NCAPG: variants seen among roughly 807,000 people sequenced by gnomAD.
NCAPG encodes the protein non-SMC condensin I complex subunit G.
A neutral mutation model predicts 113.1 loss-of-function variants in NCAPG; 69 were observed. The observed-to-expected ratio is 0.61, with a 90% CI of 0.50 to 0.75. NCAPG has a LOEUF of 0.75. NCAPG is among the 30% of genes least tolerant of loss of function. NCAPG has a pLI of 0.00. For synonymous variants in NCAPG, 370 were observed against 415.8 expected (o/e 0.89, Z 1.34); for missense variants, 1,058 against 1,177.0 (o/e 0.90, Z 1.48).
intron 11 of NCAPG, among the ~76,000 whole-genome samples, chr4:17,827,758 A>G (rs1039850711): frequency 6.1e-5 from 9 of 148,234 alleles, no homozygotes; most frequent in African/African-American, 2.2e-4. Context: ...CGAGGTTGTC[A>G]GGTTTTTTTT....
intron 3 of NCAPG, among the ~76,000 whole-genome samples, chr4:17,814,036 A>C (rs1244829254): frequency 6.6e-6 from 1 of 152,186 alleles, no homozygotes; most frequent in East Asian, 1.9e-4. Flanking sequence ...AGAAGTACAG[A>C]TAAATATATT....
chr4:17,819,561 C>T (rs1160459011), intron 7 of NCAPG, among the ~76,000 whole-genome samples: 1 of 152,100 alleles, frequency 6.6e-6, no homozygotes, highest in African/African-American at 2.4e-5. Flanking sequence ...GCCTCCATGC[C>T]CAGCTAATTT....
intron 3 of NCAPG, among the ~76,000 whole-genome samples, chr4:17,814,267 C>T (rs886275594): frequency 6.6e-6 from 1 of 152,044 alleles, no homozygotes; most frequent in Non-Finnish European, 1.5e-5. Context: ...CACTTTTGGC[C>T]TAAGAGCCAG....
intron 14 of NCAPG, among the ~76,000 whole-genome samples, chr4:17,834,958 GGTT>G (rs542835922): frequency 6.8e-4 from 103 of 152,160 alleles, no homozygotes; most frequent in South Asian, 6.2e-3. Flanking sequence ...GATTAAAGTG[GGTT>G]GTTATTTTTT....
intron 2 of NCAPG, 103 bp from the exon 3 acceptor site, chr4:17,812,814 T>C: frequency 1.1e-6 from 1 of 935,172 alleles, no homozygotes; most frequent in South Asian, 1.6e-5. Context: ...AAATGAATTG[T>C]TGTTGTAACT....
At chr4:17,838,673 C>T (rs1177501987) in intron 16 of NCAPG, among the ~76,000 whole-genome samples, 1 of 152,100 alleles carries the variant, frequency 6.6e-6, no homozygotes, top group Non-Finnish European at 1.5e-5. Flanking sequence ...AGAAAGATGA[C>T]TTTGGCTAAG....
At position 17,812,251 on chromosome 4, in the gene NCAPG, T is replaced by C. The variant is rs766965357; in HGVS notation, c.142T>C (p.Phe48Leu). ...TGATAAGACAGTTTTTCATGAGGAG[T>C]TCATTCATTACCTTAAATATGTTAT... The part of the protein sequence containing the change: ...MDDKTVFHEE[F>L]IHYLKYVMVV... The change falls in exon 2 of 21, where the codon TTC becomes CTC. Residue 48 changes from phenylalanine (F) to leucine (L), a missense_variant. Transcript: ENST00000251496. 6.2e-7 allele frequency: 1 copy of C among 1,613,378 alleles called. No homozygotes were observed. The highest frequency in any genetic ancestry group is 8.5e-7 in the Non-Finnish European group (1 of 1,179,724).
At position 17,843,421 on chromosome 4, in the gene NCAPG, G is replaced by A; in HGVS notation, c.3044G>A (p.Ser1015Asn). 6.2e-7 allele frequency: 1 copy of A among 1,611,004 alleles called. No individual in the cohort carries two copies. The highest frequency in any genetic ancestry group is 8.5e-7 in the Non-Finnish European group (1 of 1,177,632). The stretch of plus-strand genomic sequence containing the variant: ...GCCCAATTTCTCAATGAAGATCTAA[G>A]TTAGGAAAGACGATGGAGGTGGAAT... ...NLAQFLNEDL[S>N] Residue 1015 changes from serine (S) to asparagine (N), a missense_variant, in exon 21 of 21, where the codon AGT becomes AAT. Ser to Asn is a conservative substitution (Grantham distance 46). Transcript: ENST00000251496.
chr4:17,811,006 G>T lies in NCAPG; in HGVS notation c.-72G>T, dbSNP rs1034096074. 7.9e-6 allele frequency: 7 copies of T among 883,136 alleles called. No individual in the cohort carries two copies. Among genetic ancestry groups the T allele is most frequent in the Non-Finnish European group, 1.2e-5 (7 of 601,394 alleles). 54.7% of individuals were successfully genotyped at this position (883,136 alleles called of 1,614,324 possible). A position where few individuals can be genotyped will look rare whatever the true frequency, so the allele number is the denominator to read the frequency against. ...CATAGAAGACTACTCGGAGAGCGCTGCCTCTGGGTTGGCGGGCTGGCAGGC... is the reference window on the plus strand; with the variant it reads ...CATAGAAGACTACTCGGAGAGCGCTTCCTCTGGGTTGGCGGGCTGGCAGGC... On this transcript the variant is annotated 5_prime_UTR_variant, in exon 1 of 21. Coordinates refer to ENST00000251496, the MANE Select transcript of NCAPG (RefSeq NM_022346.5). The surrounding 1 kb of genome is among the most constrained non-coding windows in gnomAD (Gnocchi z 5.3).
chr4:17,812,985 T>G lies in NCAPG; in HGVS notation c.384T>G (p.Ser128Arg). 6.2e-7 allele frequency: 1 copy of G among 1,614,066 alleles called. No homozygotes were observed. Among genetic ancestry groups the G allele is most frequent in the Middle Eastern group, 1.7e-4 (1 of 6,060 alleles). Reference sequence around the variant, plus strand: ...TGCTCATAAACAAGCTTTTGGGAAGTATGCCAGAAAATGCTCAGATTGATG... The same window carrying G: ...TGCTCATAAACAAGCTTTTGGGAAGGATGCCAGAAAATGCTCAGATTGATG... ...VCLLINKLLG[S>R]MPENAQIDDD... Residue 128 changes from serine to arginine, a missense_variant, in exon 3 of 21, where the codon AGT (serine) becomes AGG (arginine). By Grantham distance (110) the Ser-to-Arg change is moderately radical. Transcript: ENST00000251496.
intron 7 of NCAPG, among the ~76,000 whole-genome samples, chr4:17,821,541 G>T (rs955306693): frequency 1.4e-5 from 2 of 143,478 alleles, no homozygotes; most frequent in African/African-American, 5.2e-5. Flanking sequence ...TTGGCTTACT[G>T]CAGCCTCTGC....
intron 11 of NCAPG, among the ~76,000 whole-genome samples, chr4:17,827,680 G>A (rs146326865): frequency 8.0e-4 from 121 of 151,346 alleles, no homozygotes; most frequent in African/African-American, 2.8e-3. Context: ...AAGAGGAAAT[G>A]TCTTTTAGCA....
chr4:17,829,368 A>G (rs1272295044), intron 12 of NCAPG, among the ~76,000 whole-genome samples: 3 of 152,222 alleles, frequency 2.0e-5, no homozygotes, highest in Non-Finnish European at 4.4e-5. Flanking sequence ...AAGAAAACCA[A>G]TTTTAATAGT....
intron 5 of NCAPG, 31 bp downstream of exon 5, chr4:17,815,389 T>C: frequency 6.7e-7 from 1 of 1,501,640 alleles, no homozygotes; most frequent in African/African-American, 1.4e-5. Context: ...TATACAAAAC[T>C]TTAGTAGATT....
rs150380263 is a variant in NCAPG at position 17,817,404 on chromosome 4, A to G, written c.919A>G (p.Ile307Val). 6 of 1,614,028 alleles carry G rather than the reference A, an allele frequency of 3.7e-6. No homozygotes were observed. Among genetic ancestry groups the G allele is most frequent in the East Asian group, 4.5e-5 (2 of 44,886 alleles). The change falls in exon 6 of 21, where the codon ATA becomes GTA. Residue 307 changes from isoleucine to valine, a missense_variant. Coordinates refer to ENST00000251496, the MANE Select transcript of NCAPG (RefSeq NM_022346.5). Reference sequence around the variant, plus strand: ...CTCTGTTCTCAATGCCTTGTTTTCAATAACTCCTCTCAGTGAACTGGTGGG... The same window carrying G: ...CTCTGTTCTCAATGCCTTGTTTTCAGTAACTCCTCTCAGTGAACTGGTGGG... Reference protein sequence around the residue: ...AVSVLNALFSITPLSELVGLC... With the variant: ...AVSVLNALFSVTPLSELVGLC...
At chr4:17,836,369 T>C (rs1345753593) in intron 14 of NCAPG, among the ~76,000 whole-genome samples, 9 of 152,202 alleles carry the variant, frequency 5.9e-5, no homozygotes, top group Admixed American at 5.9e-4. Flanking sequence ...AGGTATAATT[T>C]GTAACTTTTA....
intron 12 of NCAPG, 40 bp downstream of exon 12, chr4:17,828,428 CT>C: frequency 8.6e-7 from 1 of 1,163,682 alleles, no homozygotes. Context: ...TAGTCCACTC[CT>C]TTCTTATTTT....
At chr4:17,834,956 TG>T (rs1340488526) in intron 14 of NCAPG, among the ~76,000 whole-genome samples, 4 of 152,136 alleles carry the variant, frequency 2.6e-5, no homozygotes, top group African/African-American at 9.7e-5. Context: ...GTGATTAAAG[TG>T]GGTTGTTATT....
At chr4:17,823,158 C>T in intron 8 of NCAPG, 35 bp downstream of exon 8, 2 of 1,578,588 alleles carry the variant, frequency 1.3e-6, no homozygotes, top group Non-Finnish European at 8.6e-7. Context: ...TCTAATTTGC[C>T]CTTCTAATTT....
Sources: allele counts gnomAD v4.1 joint callset (sites outside exome capture counted in the v4.1 genomes callset), GRCh38; gene constraint gnomAD v4.1.1; non-coding constraint Gnocchi (gnomAD v3.1); transcripts MANE v1.5; gene names NCBI Gene and HGNC (gene_info 2026-07-23, HGNC 2026-07-21).